Variants in DLC1 observed in about 807,000 individuals in gnomAD.
DLC1 encodes the protein rho GTPase-activating protein 7.
In DLC1, 54 loss-of-function variants were observed where a neutral mutation model predicts 140.3. The observed-to-expected ratio is 0.38, with a 90% CI of 0.31 to 0.48. DLC1 has a LOEUF of 0.48. Among genes scored for constraint, DLC1 ranks in the 20% least tolerant of loss-of-function variants. The pLI is 0.96. For missense variants in DLC1, 2,536 were observed against 1,907.0 expected (o/e 1.33, Z -6.14); for synonymous variants, 986 against 728.1 (o/e 1.35, Z -5.70).
intron 1 of DLC1, among the ~76,000 whole-genome samples, chr8:13,541,960 A>G (rs1383810952): frequency 2.0e-5 from 3 of 152,208 alleles, no homozygotes; most frequent in African/African-American, 7.2e-5. Context: ...CTCACTGGAT[A>G]TAAGTGCTTG....
chr8:13,559,901 C>T (rs995827769), intron 1 of DLC1, among the ~76,000 whole-genome samples: 1 of 148,398 alleles, frequency 6.7e-6, no homozygotes, highest in African/African-American at 2.5e-5. Context: ...TGCCCAAAGG[C>T]TGATGGACTT....
In DLC1 at chr8:13,291,261, C is replaced by G. The variant is rs897078650; in HGVS notation, c.1348+14008G>C. On this transcript the variant is annotated intron_variant, in intron 5 of 17. Transcript: ENST00000276297. The stretch of plus-strand genomic sequence containing the variant: ...AGATTCCCAAGAGAAGGTGTAAAGA[C>G]AGAGGAAAAGAAAACTGAAATATCA... Among the ~76,000 whole-genome samples the G allele has an allele frequency of 1.2e-4, 18 of 152,070 alleles. 1 individual carries two copies. The highest frequency in any genetic ancestry group is 4.1e-4 in the African/African-American group (17 of 41,404).
intron 1 of DLC1, among the ~76,000 whole-genome samples, chr8:13,560,061 G>T (rs576365796): frequency 6.6e-6 from 1 of 152,154 alleles, no homozygotes; most frequent in Non-Finnish European, 1.5e-5. Context: ...AGTAGCAAAA[G>T]AGATGGTACA....
chr8:13,484,187 G>A (rs776835125), intron 2 of DLC1, among the ~76,000 whole-genome samples: 6 of 152,320 alleles, frequency 3.9e-5, no homozygotes, highest in South Asian at 2.1e-4. Flanking sequence ...TTAAGAAAAC[G>A]TAGCAGTAAT....
chr8:13,225,777 G>A (rs1003368904), intron 5 of DLC1, among the ~76,000 whole-genome samples: 1 of 151,760 alleles, frequency 6.6e-6, no homozygotes, highest in African/African-American at 2.4e-5. Context: ...CACCACGCCC[G>A]GCTAATTTTT....
chr8:13,258,496 A>G (rs949876248), intron 5 of DLC1, among the ~76,000 whole-genome samples: 12 of 152,206 alleles, frequency 7.9e-5, no homozygotes, highest in Admixed American at 6.5e-5. Flanking sequence ...AAACCCTCTA[A>G]GGTTACAAGA....
intron 5 of DLC1, among the ~76,000 whole-genome samples, chr8:13,239,712 A>G (rs1829460296): frequency 6.6e-6 from 1 of 152,196 alleles, no homozygotes; most frequent in Admixed American, 6.5e-5. Context: ...GGCCTGGGCT[A>G]TGTTCTCCAA....
chr8:13,086,553 G>C (rs1393199965), intron 16 of DLC1, 90 bp from the exon 17 acceptor site: 4 of 1,483,872 alleles, frequency 2.7e-6, no homozygotes, highest in East Asian at 4.6e-5. Context: ...TTGCAGTGTG[G>C]TGACGGGTCA....
At position 13,413,180 on chromosome 8, in the gene DLC1, G is replaced by A. The variant is rs570279914; in HGVS notation, c.1024-11561C>T. Among the ~76,000 whole-genome samples the A allele has an allele frequency of 1.0e-4, 15 of 149,326 alleles. No homozygotes were observed. In the South Asian group the frequency reaches 2.3e-3, roughly 23 times the overall value. On this transcript the variant is annotated intron_variant, in intron 2 of 17. Coordinates refer to ENST00000276297, the MANE Select transcript of DLC1 (RefSeq NM_182643.3). Reference sequence around the variant, plus strand: ...ACACTACACGAAGCTTTTCCAACCCGCAGCCCAGGACAGCTTTGAATATGG... The same window carrying A: ...ACACTACACGAAGCTTTTCCAACCCACAGCCCAGGACAGCTTTGAATATGG...
At chr8:13,404,576 T>C (rs1837442434) in intron 2 of DLC1, among the ~76,000 whole-genome samples, 1 of 152,182 alleles carries the variant, frequency 6.6e-6, no homozygotes, top group Admixed American at 6.5e-5. Context: ...TAAATACATT[T>C]ATTTTCCTTA....
At chr8:13,256,719 G>A (rs549508802) in intron 5 of DLC1, among the ~76,000 whole-genome samples, 1 of 152,178 alleles carries the variant, frequency 6.6e-6, no homozygotes, top group Admixed American at 6.5e-5. Context: ...ACTGGGGCCT[G>A]TTGGCGGGTG....
intron 4 of DLC1, among the ~76,000 whole-genome samples, chr8:13,357,110 A>G (rs1482134310): frequency 1.3e-5 from 2 of 152,110 alleles, no homozygotes; most frequent in African/African-American, 4.8e-5. Context: ...TTCTACTAAA[A>G]ATACAAAAAA....
chr8:13,314,507 A>G (rs967725425), intron 4 of DLC1, among the ~76,000 whole-genome samples: 22 of 152,030 alleles, frequency 1.4e-4, no homozygotes, highest in Non-Finnish European at 2.8e-4. Flanking sequence ...GCTGAGAGAT[A>G]AAGCATTTAC....
At chr8:13,512,190 C>T (rs1038854568) in intron 1 of DLC1, among the ~76,000 whole-genome samples, 3 of 151,770 alleles carry the variant, frequency 2.0e-5, no homozygotes, top group Admixed American at 6.6e-5. Flanking sequence ...AATAGTGTCT[C>T]TTTTAAGTAG....
chr8:13,601,076 T>G (rs12680822), intron 1 of DLC1, among the ~76,000 whole-genome samples: 20,482 of 151,736 alleles, frequency 0.13, 1,430 homozygotes, highest in Middle Eastern at 0.21. Flanking sequence ...TAAAGTCATA[T>G]AAAGCCCTCC....
intron 4 of DLC1, among the ~76,000 whole-genome samples, chr8:13,359,557 C>T (rs6988978): frequency 0.2 from 29,732 of 151,902 alleles, 3,155 homozygotes; most frequent in Non-Finnish European, 0.24. Flanking sequence ...TCAATCTAAA[C>T]GATGCATTGG....
chr8:13,252,696 T>C (rs1329909218), intron 5 of DLC1, among the ~76,000 whole-genome samples: 1 of 152,174 alleles, frequency 6.6e-6, no homozygotes, highest in African/African-American at 2.4e-5. Context: ...AGAGGATATC[T>C]CTCTTGCTTG....
intron 5 of DLC1, among the ~76,000 whole-genome samples, chr8:13,173,848 T>G (rs762480175): frequency 1.3e-5 from 2 of 152,188 alleles, no homozygotes; most frequent in Non-Finnish European, 1.5e-5. Context: ...ATTAGTCCAT[T>G]TTTTATTTTT....
chr8:13,152,824 G>GAAA lies in DLC1; in HGVS notation c.1349-37170_1349-37168dup, dbSNP rs773483544. 1.8e-4 allele frequency among the ~76,000 whole-genome samples: 16 copies of GAAA among 91,348 alleles called. 3 individuals carry two copies. Among genetic ancestry groups the GAAA allele is most frequent in the African/African-American group, 5.5e-4 (13 of 23,630 alleles). 59.9% of individuals were successfully genotyped at this position (91,348 alleles called of 152,430 possible). ...AGACTGAGACCCTGTCTCTGGGGAAGAAAAAAAAAAAAAAAGCAACCAACC... is the reference window on the plus strand; with the variant it reads ...AGACTGAGACCCTGTCTCTGGGGAAGAAAAAAAAAAAAAAAAAAGCAACCAACC... On this transcript the variant is annotated intron_variant, in intron 5 of 17. Transcript: ENST00000276297.
Sources: gnomAD v4.1 joint callset for allele counts (sites outside exome capture counted in the v4.1 genomes callset) on GRCh38, gnomAD v4.1.1 for gene constraint, MANE v1.5 for transcripts, NCBI Gene and HGNC (gene_info 2026-07-23, HGNC 2026-07-21) for gene names.